MAGI1: variants seen among roughly 807,000 people sequenced by gnomAD.
The protein encoded by MAGI1 is membrane associated guanylate kinase, WW and PDZ domain containing 1, also known as membrane-associated guanylate kinase, WW and PDZ domain-containing protein 1.
In MAGI1, 58 loss-of-function variants were observed where a neutral mutation model predicts 139.9. That is an observed-to-expected ratio of 0.41 (90% CI 0.34 to 0.52). The LOEUF is 0.52. Ranked by LOEUF, MAGI1 falls within the 20% of genes least tolerant of loss-of-function variation. The pLI is 0.12. For synonymous variants in MAGI1, 812 were observed against 737.9 expected, an observed-to-expected ratio of 1.10 and a Z score of -1.63; for missense variants, 1,874 against 1,901.6, an observed-to-expected ratio of 0.99 and a Z score of 0.27.
At position 65,555,147 on chromosome 3, in the gene MAGI1, A is replaced by G. The variant is rs971395644; in HGVS notation, c.431-61516T>C. Among the ~76,000 whole-genome samples, 7 of 152,340 alleles carry G rather than the reference A, an allele frequency of 4.6e-5. No individual in the cohort carries two copies. The East Asian group carries it at 5.8e-4, about 13-fold the overall frequency. On this transcript the variant is annotated intron_variant, in intron 2 of 22. Coordinates refer to ENST00000402939, the MANE Select transcript of MAGI1 (RefSeq NM_001033057.2). ...TCTAAGTCTAAATTATTTCGAAATT[A>G]AAAGGTTTTTTTAAATGGTGATTTA...
At chr3:65,539,521 A>G (rs753578524) in intron 2 of MAGI1, among the ~76,000 whole-genome samples, 4 of 152,188 alleles carry the variant, frequency 2.6e-5, no homozygotes, top group Non-Finnish European at 5.9e-5. Flanking sequence ...CCAAGAACAA[A>G]CAAAAAAGAT....
chr3:65,716,367 GCT>G (rs2032246093), intron 1 of MAGI1, among the ~76,000 whole-genome samples: 1 of 152,144 alleles, frequency 6.6e-6, no homozygotes, highest in African/African-American at 2.4e-5. Context: ...CTGAGAAACT[GCT>G]CTGAGAAGGA....
chr3:65,461,226 T>G (rs937986465), intron 5 of MAGI1, among the ~76,000 whole-genome samples: 1 of 152,078 alleles, frequency 6.6e-6, no homozygotes, highest in Non-Finnish European at 1.5e-5. Context: ...TTTATTTATT[T>G]ATTTTTTGCG....
Position 65,419,516 on chromosome 3 carries a change from G to C in MAGI1, c.2167+10004C>G, listed in dbSNP as rs571669717. ...TGAGACAATAATGGCTCATAAATGC[G>C]TATTTTTCCTGACCTAACCTCACAA... On this transcript the variant is annotated intron_variant, in intron 12 of 22. Coordinates refer to ENST00000402939, the MANE Select transcript of MAGI1 (RefSeq NM_001033057.2). Among the ~76,000 whole-genome samples, 4 of 152,242 alleles carry C rather than the reference G, an allele frequency of 2.6e-5. No homozygotes were observed. The South Asian group carries it at 8.3e-4, about 32-fold the overall frequency.
At chr3:65,819,072 G>GTCAGGAGT (rs1323845730) in intron 1 of MAGI1, among the ~76,000 whole-genome samples, 1 of 152,096 alleles carries the variant, frequency 6.6e-6, no homozygotes, top group Non-Finnish European at 1.5e-5. Context: ...GGATTACAAG[G>GTCAGGAGT]TCAGGAGTTC....
rs1575930677 is a variant in MAGI1 at position 65,478,904 on chromosome 3, T to C, written c.551-106A>G. 4 of 818,736 alleles carry C rather than the reference T, an allele frequency of 4.9e-6. No individual in the cohort carries two copies. In the East Asian group the frequency reaches 1.0e-4, roughly 21 times the overall value. The allele number at this position is 818,736 out of a possible 1,614,324, so 50.7% of individuals were successfully genotyped here. A position where few individuals can be genotyped will look rare whatever the true frequency, so the allele number is the denominator to read the frequency against. On this transcript the variant is annotated intron_variant, in intron 3 of 22. Coordinates refer to ENST00000402939, the MANE Select transcript of MAGI1 (RefSeq NM_001033057.2). ...AGGCACATTAAAAAAAAAATTAAAC[T>C]AGAAAACCAGAACAAACTGTATTTT...
intron 1 of MAGI1, among the ~76,000 whole-genome samples, chr3:65,635,718 C>T (rs2084576517): frequency 6.6e-6 from 1 of 152,206 alleles, no homozygotes; most frequent in Non-Finnish European, 1.5e-5. Flanking sequence ...CCTTGAACAT[C>T]CATAGTAATT....
chr3:65,676,687 G>A (rs750468632), intron 1 of MAGI1, among the ~76,000 whole-genome samples: 1 of 152,108 alleles, frequency 6.6e-6, no homozygotes, highest in African/African-American at 2.4e-5. Flanking sequence ...GCTAAGCAGT[G>A]CAAAAAATTC....
intron 1 of MAGI1, among the ~76,000 whole-genome samples, chr3:65,824,320 T>C (rs2042110162): frequency 6.6e-6 from 1 of 152,152 alleles, no homozygotes; most frequent in South Asian, 2.1e-4. Flanking sequence ...TAGGGCTTGC[T>C]TTCACATCAC....
chr3:65,745,537 G>A (rs1029341927), intron 1 of MAGI1, among the ~76,000 whole-genome samples: 2 of 152,224 alleles, frequency 1.3e-5, no homozygotes, highest in African/African-American at 4.8e-5. Context: ...TAAGAAGACA[G>A]CATCTGTCAA....
chr3:65,860,204 T>C (rs2059509242), intron 1 of MAGI1, among the ~76,000 whole-genome samples: 1 of 152,138 alleles, frequency 6.6e-6, no homozygotes, highest in South Asian at 2.1e-4. Flanking sequence ...CCTAATCAGG[T>C]ATTTTTTCTA....
At chr3:65,472,069 C>G (rs1465528991) in intron 4 of MAGI1, among the ~76,000 whole-genome samples, 1 of 152,162 alleles carries the variant, frequency 6.6e-6, no homozygotes, top group Non-Finnish European at 1.5e-5. Context: ...CACTTTCCTG[C>G]TTAAACCAAT....
At chr3:65,386,732 T>C (rs1269271921) in intron 14 of MAGI1, among the ~76,000 whole-genome samples, 1 of 152,198 alleles carries the variant, frequency 6.6e-6, no homozygotes, top group African/African-American at 2.4e-5. Context: ...CTAAATCAAA[T>C]AGAGCTAAGA....
chr3:65,425,791 G>A (rs1252921889), intron 12 of MAGI1, among the ~76,000 whole-genome samples: 2 of 152,078 alleles, frequency 1.3e-5, no homozygotes, highest in African/African-American at 2.4e-5. Context: ...TGAATTTGCC[G>A]AATATCCAAA....
chr3:65,791,593 G>T (rs571733991), intron 1 of MAGI1, among the ~76,000 whole-genome samples: 1 of 152,142 alleles, frequency 6.6e-6, no homozygotes. Flanking sequence ...AAGAATGGGA[G>T]AGAAGGCAGG....
chr3:65,633,568 C>A (rs1183388455), intron 1 of MAGI1, among the ~76,000 whole-genome samples: 1 of 152,008 alleles, frequency 6.6e-6, no homozygotes, highest in Non-Finnish European at 1.5e-5. Flanking sequence ...CTTGGTGAAT[C>A]TTTTTATTAT....
chr3:65,396,629 AG>A (rs1387912167), intron 13 of MAGI1, among the ~76,000 whole-genome samples: 1 of 152,228 alleles, frequency 6.6e-6, no homozygotes, highest in African/African-American at 2.4e-5. Flanking sequence ...AATGATGAAA[AG>A]AATTCATGTG....
chr3:65,804,599 C>T (rs1172971942), intron 1 of MAGI1, among the ~76,000 whole-genome samples: 3 of 139,256 alleles, frequency 2.2e-5, no homozygotes, highest in East Asian at 4.7e-4. Flanking sequence ...AAAGGTTTTT[C>T]TGTACACATC....
intron 1 of MAGI1, among the ~76,000 whole-genome samples, chr3:65,713,033 T>C (rs1457726056): frequency 5.3e-5 from 8 of 152,188 alleles, no homozygotes; most frequent in Admixed American, 5.2e-4. Flanking sequence ...CTGTTCAGTT[T>C]TGACCCTAAA....
Sources: gnomAD v4.1 joint callset for allele counts (sites outside exome capture counted in the v4.1 genomes callset) on GRCh38, gnomAD v4.1.1 for gene constraint, MANE v1.5 for transcripts, NCBI Gene and HGNC (gene_info 2026-07-23, HGNC 2026-07-21) for gene names.